SEMA3A: variants seen among roughly 807,000 people sequenced by gnomAD.
SEMA3A encodes the protein semaphorin 3A, also known as semaphorin-3A.
Under a neutral mutation model 97.9 loss-of-function variants are expected in SEMA3A, and 29 were observed. The ratio of observed to expected loss-of-function variants is 0.30; its 90% CI spans 0.22 to 0.40. SEMA3A has a LOEUF of 0.40. Ranked by LOEUF, SEMA3A falls within the 10% of genes least tolerant of loss-of-function variation. SEMA3A has a pLI of 1.00. For missense variants in SEMA3A, 763 were observed against 951.3 expected (o/e 0.80, Z 2.60); for synonymous variants, 321 against 323.7 (o/e 0.99, Z 0.09).
intron 4 of SEMA3A, among the ~76,000 whole-genome samples, chr7:84,067,287 AC>A (rs1793550387): frequency 6.6e-6 from 1 of 152,168 alleles, no homozygotes; most frequent in South Asian, 2.1e-4. Flanking sequence ...TGGATTAAAG[AC>A]TTAAACGTTT....
chr7:84,297,738 A>G (rs1185901222), intron 3 of SEMA3A, among the ~76,000 whole-genome samples: 13 of 152,158 alleles, frequency 8.5e-5, no homozygotes, highest in Admixed American at 8.5e-4. Flanking sequence ...CAACTGTCTC[A>G]GACCTCAGGC....
chr7:84,062,658 A>G lies in SEMA3A; in HGVS notation c.454-2100T>C, dbSNP rs190957150. On this transcript the variant is annotated intron_variant, in intron 4 of 16. Coordinates refer to ENST00000265362, the MANE Select transcript of SEMA3A (RefSeq NM_006080.3). ...TTTCTGAGTCAAAGAAAGGGGTGAC[A>G]GACGGCACCTGGAAAATCCGGTCAC... is the stretch of plus-strand genomic sequence containing the variant. 5.5e-3 allele frequency among the ~76,000 whole-genome samples: 837 copies of G among 152,302 alleles called. 7 individuals are homozygous for G. Among genetic ancestry groups the G allele is most frequent in the African/African-American group, 0.018 (729 of 41,576 alleles).
chr7:83,975,655 C>T (rs1278689096), intron 15 of SEMA3A, among the ~76,000 whole-genome samples: 3 of 152,062 alleles, frequency 2.0e-5, no homozygotes, highest in African/African-American at 7.2e-5. Context: ...AATAATGTTT[C>T]ATTTTGATAT....
At chr7:84,135,860 A>T (rs1474292358) in intron 1 of SEMA3A, among the ~76,000 whole-genome samples, 1 of 152,176 alleles carries the variant, frequency 6.6e-6, no homozygotes, top group Admixed American at 6.5e-5. Flanking sequence ...TAATTTTACC[A>T]TCTGACTTCA....
intron 1 of SEMA3A, among the ~76,000 whole-genome samples, chr7:84,427,454 C>T (rs990200438): frequency 2.6e-5 from 4 of 151,480 alleles, no homozygotes; most frequent in African/African-American, 9.7e-5. Flanking sequence ...TGAGACCAGC[C>T]TGGCCAATAT....
chr7:84,214,400 T>C (rs1012376773), intron 3 of SEMA3A, among the ~76,000 whole-genome samples: 2 of 152,220 alleles, frequency 1.3e-5, no homozygotes, highest in Non-Finnish European at 2.9e-5. Flanking sequence ...TCATCTCCCT[T>C]GTGAAATTGG....
chr7:84,302,418 A>G lies in SEMA3A; in HGVS notation c.-83+4789T>C, dbSNP rs188353553. Reference sequence around the variant, plus strand: ...AATGAAGAAAAATAAATGTGTAGAGAGGACTCCGCCAAAACGTTTTTACAT... The same window carrying G: ...AATGAAGAAAAATAAATGTGTAGAGGGGACTCCGCCAAAACGTTTTTACAT... On this transcript the variant is annotated intron_variant, in intron 3 of 3. Coordinates refer to the SEMA3A transcript ENST00000424555. Among the ~76,000 whole-genome samples the G allele has an allele frequency of 8.3e-4, 126 of 152,254 alleles. 1 individual carries two copies. The highest frequency in any genetic ancestry group is 2.8e-3 in the African/African-American group (117 of 41,552).
At chr7:84,345,473 C>T (rs554157801) in intron 2 of SEMA3A, among the ~76,000 whole-genome samples, 1 of 152,304 alleles carries the variant, frequency 6.6e-6, no homozygotes, top group Admixed American at 6.5e-5. Context: ...TTTGATAGCA[C>T]TTTACACACA....
At chr7:84,419,363 T>G (rs2116274024) in intron 1 of SEMA3A, among the ~76,000 whole-genome samples, 1 of 152,252 alleles carries the variant, frequency 6.6e-6, no homozygotes, top group African/African-American at 2.4e-5. Context: ...ATGATACAGC[T>G]ATGTATTGTT....
At position 84,065,242 on chromosome 7, in the gene SEMA3A, C is replaced by T. The variant is rs1793432259; in HGVS notation, c.454-4684G>A. ...CCAACGAGAACAAAGACACAACATA[C>T]CAGAATCTCTGGGACGCATTCAAAG... On this transcript the variant is annotated intron_variant, in intron 4 of 16. Transcript: ENST00000265362. Among the ~76,000 whole-genome samples, 8 of 131,718 alleles carry T rather than the reference C, an allele frequency of 6.1e-5. No homozygotes were observed. The Admixed American group carries it at 6.3e-4, about 10-fold the overall frequency. The allele number at this position is 131,718 out of a possible 152,430, so 86.4% of individuals were successfully genotyped here.
At chr7:84,089,293 T>A (rs1794487702) in intron 4 of SEMA3A, among the ~76,000 whole-genome samples, 1 of 152,172 alleles carries the variant, frequency 6.6e-6, no homozygotes, top group African/African-American at 2.4e-5. Context: ...GCAACTAGTA[T>A]AACTGGTACT....
At chr7:84,111,018 GGAAAA>G (rs1332570670) in intron 3 of SEMA3A, among the ~76,000 whole-genome samples, 7 of 151,830 alleles carry the variant, frequency 4.6e-5, no homozygotes, top group African/African-American at 1.7e-4. Context: ...TTCCATTTTA[GGAAAA>G]GAAAACAAAA....
At chr7:84,221,949 A>C (rs1329141457) in intron 3 of SEMA3A, among the ~76,000 whole-genome samples, 2 of 151,980 alleles carry the variant, frequency 1.3e-5, no homozygotes, top group African/African-American at 2.4e-5. Context: ...GTAAAAAAAA[A>C]CACAATATCT....
upstream of SEMA3A, among the ~76,000 whole-genome samples, chr7:84,199,776 T>C (rs1478354568): frequency 6.6e-6 from 1 of 152,128 alleles, no homozygotes; most frequent in East Asian, 1.9e-4. Flanking sequence ...CTTTAGACGA[T>C]CAGAAGACAC....
At chr7:84,147,865 TA>T (rs1796508325) in intron 1 of SEMA3A, among the ~76,000 whole-genome samples, 1 of 152,128 alleles carries the variant, frequency 6.6e-6, no homozygotes, top group South Asian at 2.1e-4. Context: ...CCTCAGAGGT[TA>T]TTTTTTTCTC....
intron 6 of SEMA3A, among the ~76,000 whole-genome samples, chr7:84,023,495 A>G (rs1444093304): frequency 1.3e-5 from 2 of 152,204 alleles, no homozygotes; most frequent in African/African-American, 4.8e-5. Context: ...TTCATTTGTA[A>G]AAAGGGTGGA....
At chr7:84,264,103 TTTTA>T (rs1799930752) in intron 3 of SEMA3A, among the ~76,000 whole-genome samples, 2 of 152,098 alleles carry the variant, frequency 1.3e-5, no homozygotes, top group South Asian at 4.1e-4. Context: ...GTATATATAT[TTTTA>T]TTTTTTTGAA....
Position 84,205,433 on chromosome 7 carries a change from A to G in SEMA3A, c.-82-10765T>C, listed in dbSNP as rs550397573. On this transcript the variant is annotated intron_variant, in intron 3 of 3. Transcript: ENST00000424555. ...TAAAATACCTTGGCAAAAACATGGC[A>G]ATGATTACAGTTATGCAACTATCTT... is the stretch of plus-strand genomic sequence containing the variant. 2.2e-4 allele frequency among the ~76,000 whole-genome samples: 34 copies of G among 152,326 alleles called. 2 individuals are homozygous for G. The South Asian group carries it at 7.0e-3, about 32-fold the overall frequency.
intron 1 of SEMA3A, among the ~76,000 whole-genome samples, chr7:84,177,432 CTG>C (rs1188213096): frequency 1.3e-5 from 2 of 152,094 alleles, no homozygotes; most frequent in Non-Finnish European, 2.9e-5. Flanking sequence ...GTAAAACACT[CTG>C]TTTTCCTGGG....
Sources: allele counts gnomAD v4.1 joint callset (sites outside exome capture counted in the v4.1 genomes callset), GRCh38; gene constraint gnomAD v4.1.1; transcripts MANE v1.5; gene names NCBI Gene and HGNC (gene_info 2026-07-23, HGNC 2026-07-21).